The following CAST variants were observed in gnomAD, a reference collection of about 807,000 sequenced individuals.
The protein encoded by CAST is calpastatin, also known as MIR583 host.
CAST carries 76 observed loss-of-function variants against 119.6 expected under a neutral mutation model. The ratio of observed to expected loss-of-function variants is 0.64; its 90% CI spans 0.53 to 0.77. The LOEUF is 0.77. CAST is among the 30% of genes least tolerant of loss of function. CAST has a pLI of 0.00. For missense variants in CAST, 953 were observed against 946.5 expected, an observed-to-expected ratio of 1.01 and a Z score of -0.09; for synonymous variants, 319 against 331.6, an observed-to-expected ratio of 0.96 and a Z score of 0.41.
chr5:96,584,307 A>G (rs1267670815), intron 1 of CAST, among the ~76,000 whole-genome samples: 3 of 152,178 alleles, frequency 2.0e-5, no homozygotes. Flanking sequence ...TCAGGCAGTA[A>G]TGCTGCCTCA....
At chr5:96,234,417 T>G in the CAST span, among the ~76,000 whole-genome samples, 1 of 152,204 alleles carries the variant, frequency 6.6e-6, no homozygotes, top group Admixed American at 6.6e-5. Context: ...ATGGGAATAT[T>G]GTCATTTGGT....
chr5:96,536,357 C>T (rs999307435), intron 1 of CAST, among the ~76,000 whole-genome samples: 2 of 152,018 alleles, frequency 1.3e-5, no homozygotes, highest in Non-Finnish European at 2.9e-5. Flanking sequence ...AAAACTCCGT[C>T]TCCAAAAGAA....
the CAST span, among the ~76,000 whole-genome samples, chr5:96,349,144 T>TTTTTTTTTTTTTTTTTTTTTTTTTTTTG: frequency 6.9e-6 from 1 of 145,090 alleles, no homozygotes. Context: ...ACACTATTTT[T>TTTTTTTTTTTTTTTTTTTTTTTTTTTTG]TTTTTTTTTT....
the CAST span, among the ~76,000 whole-genome samples, chr5:96,350,573 CTT>C: frequency 6.6e-6 from 1 of 151,864 alleles, no homozygotes; most frequent in Non-Finnish European, 1.5e-5. Context: ...ACATATGTAG[CTT>C]TTTTTTCTTT....
the CAST span, among the ~76,000 whole-genome samples, chr5:96,277,840 A>G: frequency 6.6e-6 from 1 of 152,194 alleles, no homozygotes; most frequent in African/African-American, 2.4e-5. Flanking sequence ...AAACATTTAA[A>G]AAAATTGTAT....
the CAST span, among the ~76,000 whole-genome samples, chr5:96,434,429 T>A: frequency 6.6e-6 from 1 of 152,156 alleles, no homozygotes; most frequent in African/African-American, 2.4e-5. Context: ...GTTTTCCTTT[T>A]GATATGTGCA....
chr5:96,149,951 CT>C, the CAST span, among the ~76,000 whole-genome samples: 53 of 151,668 alleles, frequency 3.5e-4, no homozygotes, highest in East Asian at 9.7e-3. Flanking sequence ...GTTCCCTCAT[CT>C]TTTTTTTTCC....
At chr5:96,672,237 C>G (rs1020548398) in intron 1 of CAST, among the ~76,000 whole-genome samples, 1 of 152,096 alleles carries the variant, frequency 6.6e-6, no homozygotes, top group African/African-American at 2.4e-5. Flanking sequence ...CTGTCTCTCT[C>G]TCTCTCTCTC....
rs537339558 is a variant in CAST, at chr5:96,773,191, T to A, written c.*575T>A. The A allele has an allele frequency of 2.0e-5, 3 of 153,780 alleles. No homozygotes were observed. The highest frequency in any genetic ancestry group is 4.4e-5 in the Non-Finnish European group (3 of 68,016). The allele number at this position is 153,780 out of a possible 1,614,324, so 9.5% of individuals were successfully genotyped here. A position where few individuals can be genotyped will look rare whatever the true frequency, so the allele number is the denominator to read the frequency against. On this transcript the variant is annotated 3_prime_UTR_variant, in exon 32 of 32. Coordinates refer to ENST00000675179, the MANE Select transcript of CAST (RefSeq NM_001750.7). ...CACATATCTCCTCTTGGGCTGCTAATAATAAATTAATAACAGGTAACCTGG... is the reference window on the plus strand; with the variant it reads ...CACATATCTCCTCTTGGGCTGCTAAAAATAAATTAATAACAGGTAACCTGG...
At chr5:96,422,885 T>A in the CAST span, among the ~76,000 whole-genome samples, 2 of 151,542 alleles carry the variant, frequency 1.3e-5, no homozygotes, top group Non-Finnish European at 2.9e-5. Flanking sequence ...TCACTTTGGA[T>A]TTGCATGGAA....
At chr5:96,200,572 A>G in the CAST span, among the ~76,000 whole-genome samples, 2 of 152,164 alleles carry the variant, frequency 1.3e-5, no homozygotes. Flanking sequence ...GGGAGCTCTA[A>G]GGTACTTTTT....
chr5:96,423,184 A>G, the CAST span: 2 of 830,848 alleles, frequency 2.4e-6, no homozygotes, highest in East Asian at 2.7e-5. Context: ...GGGAGAAGGG[A>G]CATAACCTTG....
At position 96,699,886 on chromosome 5, in the gene CAST, T is replaced by C. The variant is rs372154246; in HGVS notation, c.210+3979T>C. ...TAGGAAAACTACAGATGACAAGTTA[T>C]TCAGCAACATTAGGCCTTTCAAACA... On this transcript the variant is annotated intron_variant, in intron 3 of 31. Coordinates refer to ENST00000675179, the MANE Select transcript of CAST (RefSeq NM_001750.7). Among the ~76,000 whole-genome samples, 69 of 152,288 alleles carry C rather than the reference T, an allele frequency of 4.5e-4. No individual in the cohort carries two copies. The South Asian group carries it at 0.014, about 32-fold the overall frequency.
chr5:95,965,272 T>C, the CAST span: 37 of 152,342 alleles, frequency 2.4e-4, no homozygotes, highest in African/African-American at 8.2e-4. Flanking sequence ...AAGATTTTTA[T>C]GTAAATCTCC....
At chr5:95,981,015 C>T in the CAST span, among the ~76,000 whole-genome samples, 1 of 152,138 alleles carries the variant, frequency 6.6e-6, no homozygotes, top group Non-Finnish European at 1.5e-5. Flanking sequence ...CCTTTTGAGG[C>T]TGGAGGTCAG....
intron 3 of CAST, among the ~76,000 whole-genome samples, chr5:96,715,801 C>A (rs1757092152): frequency 6.6e-6 from 1 of 152,178 alleles, no homozygotes; most frequent in Non-Finnish European, 1.5e-5. Context: ...TACCTAAGAT[C>A]TTATCACAGT....
chr5:96,693,289 T>G (rs577340535), intron 2 of CAST, among the ~76,000 whole-genome samples: 8 of 152,340 alleles, frequency 5.3e-5, no homozygotes, highest in African/African-American at 1.9e-4. Flanking sequence ...ATTTCGTTTA[T>G]TAGTAAGTCA....
chr5:96,766,205 T>C, intron 27 of CAST, 60 bp downstream of exon 27: 1 of 916,530 alleles, frequency 1.1e-6, no homozygotes, highest in Non-Finnish European at 1.8e-6. Context: ...AATTCAAACC[T>C]CCCTTGAAAT....
chr5:96,433,228 G>C, the CAST span: 3 of 637,218 alleles, frequency 4.7e-6, no homozygotes, highest in African/African-American at 3.6e-5. Context: ...TCAGTGAAGC[G>C]CTTCGGTCTC....
Sources: gnomAD v4.1 joint callset for allele counts (sites outside exome capture counted in the v4.1 genomes callset) on GRCh38, gnomAD v4.1.1 for gene constraint, MANE v1.5 for transcripts, NCBI Gene and HGNC (gene_info 2026-07-23, HGNC 2026-07-21) for gene names.